The following ADAMTS2 variants were observed in gnomAD, a reference collection of about 807,000 sequenced individuals.
ADAMTS2 encodes A disintegrin and metalloproteinase with thrombospondin motifs 2.
ADAMTS2 carries 50 observed loss-of-function variants against 123.0 expected under a neutral mutation model. That is an observed-to-expected ratio of 0.41 (90% CI 0.32 to 0.51). ADAMTS2 has a LOEUF of 0.51. Ranked by LOEUF, ADAMTS2 falls within the 20% of genes least tolerant of loss-of-function variation. ADAMTS2 has a pLI of 0.35. For synonymous variants in ADAMTS2, 678 were observed against 695.4 expected, an observed-to-expected ratio of 0.98 and a Z score of 0.39; for missense variants, 1,494 against 1,705.2, an observed-to-expected ratio of 0.88 and a Z score of 2.18.
chr5:179,190,262 C>A (rs1463243826), intron 4 of ADAMTS2, among the ~76,000 whole-genome samples: 2 of 152,168 alleles, frequency 1.3e-5, no homozygotes, highest in East Asian at 1.9e-4. Context: ...CTTCTCAGGG[C>A]TGCTTCGAGC....
intron 21 of ADAMTS2, chr5:179,120,954 TA>T (rs1421346818): frequency 3.3e-5 from 5 of 152,128 alleles, no homozygotes; most frequent in Non-Finnish European, 7.4e-5. Context: ...AAAAAAGCAA[TA>T]AAAATTGAGG....
At chr5:179,268,400 G>A (rs1377274785) in intron 3 of ADAMTS2, among the ~76,000 whole-genome samples, 1 of 152,240 alleles carries the variant, frequency 6.6e-6, no homozygotes, top group Non-Finnish European at 1.5e-5. Context: ...GGCATTGCCT[G>A]CCAGGCCCTG....
At chr5:179,333,799 C>T (rs895150934) in intron 2 of ADAMTS2, among the ~76,000 whole-genome samples, 12 of 151,982 alleles carry the variant, frequency 7.9e-5, no homozygotes, top group African/African-American at 2.9e-4. Context: ...GGGGTTTCAC[C>T]ATATTGGCCA....
chr5:179,151,153 TC>T, intron 10 of ADAMTS2: 1 of 376,306 alleles, frequency 2.7e-6, no homozygotes, highest in Non-Finnish European at 5.5e-6. Context: ...TACCTTGGCC[TC>T]CCAAAGTGCT....
intron 3 of ADAMTS2, among the ~76,000 whole-genome samples, chr5:179,237,927 G>A (rs777151246): frequency 1.1e-4 from 17 of 152,204 alleles, no homozygotes; most frequent in Admixed American, 4.6e-4. Flanking sequence ...CACGCACGCC[G>A]CAGTGTAGCT....
intron 10 of ADAMTS2, among the ~76,000 whole-genome samples, chr5:179,148,532 A>G (rs1763294002): frequency 6.6e-6 from 1 of 151,486 alleles, no homozygotes; most frequent in Non-Finnish European, 1.5e-5. Flanking sequence ...GCAGTGCCTC[A>G]CTCTCCCCAC....
At position 179,114,137 on chromosome 5, in the gene ADAMTS2, G is replaced by GGTA; in HGVS notation, c.3363_3365dup (p.Thr1122dup). ...CCATGGCTACAGTGGGCACTGGGAG[G>GGTA]GTAGGCATGAACACGTCAATGTCGT... On this transcript the variant is annotated inframe_insertion, in exon 22 of 22. Transcript: ENST00000251582. 6.2e-7 allele frequency: 1 copy of GGTA among 1,613,936 alleles called. No individual in the cohort carries two copies. Among genetic ancestry groups the GGTA allele is most frequent in the Non-Finnish European group, 8.5e-7 (1 of 1,179,908 alleles).
intron 3 of ADAMTS2, among the ~76,000 whole-genome samples, chr5:179,209,550 A>ACACACACGCACACACACATG (rs1491504951): frequency 0.11 from 16,013 of 149,210 alleles, 939 homozygotes; most frequent in South Asian, 0.19. Flanking sequence ...ACACACATGT[A>ACACACACGCACACACACATG]CACACACACA....
chr5:179,130,185 G>A lies in ADAMTS2; in HGVS notation c.2291-87C>T, dbSNP rs1762933859. ...GGTTTGGGCTGGTCGGGGAGTGGGG[G>A]CAGCTAGCTGGACCCCTTGTCTCTC... On this transcript the variant is annotated intron_variant, in intron 15 of 21. Coordinates refer to ENST00000251582, the MANE Select transcript of ADAMTS2 (RefSeq NM_014244.5). The surrounding 1 kb of genome is among the most constrained non-coding windows in gnomAD (Gnocchi z 4.3). 9.2e-6 allele frequency: 14 copies of A among 1,514,418 alleles called. No homozygotes were observed. Among genetic ancestry groups the A allele is most frequent in the Non-Finnish European group, 1.3e-5 (14 of 1,097,614 alleles). The allele number at this position is 1,514,418 out of a possible 1,614,324, so 93.8% of individuals were successfully genotyped here.
intron 2 of ADAMTS2, among the ~76,000 whole-genome samples, chr5:179,335,603 T>C (rs1041617795): frequency 5.3e-5 from 8 of 152,226 alleles, no homozygotes; most frequent in Non-Finnish European, 1.2e-4. Context: ...GAGGTTTCAT[T>C]TGCAACTGAC....
intron 2 of ADAMTS2, among the ~76,000 whole-genome samples, chr5:179,319,711 T>C (rs1342341493): frequency 7.0e-6 from 1 of 143,002 alleles, no homozygotes; most frequent in Non-Finnish European, 1.5e-5. Context: ...ACCAGTAGAA[T>C]AGAAGCCTCT....
chr5:179,233,968 G>C (rs563719574), intron 3 of ADAMTS2, among the ~76,000 whole-genome samples: 1 of 152,152 alleles, frequency 6.6e-6, no homozygotes, highest in African/African-American at 2.4e-5. Context: ...AGCCGCAGGA[G>C]CCAGAAGAGG....
At chr5:179,283,677 C>T (rs1755902858) in intron 2 of ADAMTS2, among the ~76,000 whole-genome samples, 1 of 151,268 alleles carries the variant, frequency 6.6e-6, no homozygotes, top group African/African-American at 2.4e-5. Context: ...GAGGCTGAGG[C>T]AGTTAGGAAT....
intron 10 of ADAMTS2, among the ~76,000 whole-genome samples, chr5:179,151,454 G>A (rs1316533589): frequency 3.3e-5 from 5 of 152,086 alleles, no homozygotes; most frequent in Admixed American, 6.6e-5. Context: ...GATGTGCACC[G>A]GTGTCCACTC....
intron 3 of ADAMTS2, among the ~76,000 whole-genome samples, chr5:179,252,009 CT>C (rs200457965): frequency 2.1e-3 from 282 of 135,676 alleles, no homozygotes; most frequent in Middle Eastern, 7.6e-3. Flanking sequence ...TTTTTCTTTT[CT>C]TTTTTTTTTT....
Position 179,185,248 on chromosome 5 carries a change from C to T in ADAMTS2, c.892-4093G>A, listed in dbSNP as rs985367025. On this transcript the variant is annotated intron_variant, in intron 4 of 21. Transcript: ENST00000251582. This position sits in a 1 kb window ranked among gnomAD's most constrained non-coding sequence, Gnocchi z 5.9. ...TAAGAAGCTTACTCCAGGTGCCTTA[C>T]GGAAAGTAGATGGAAGGGGTCAAGA... Among the ~76,000 whole-genome samples the T allele has an allele frequency of 6.6e-6, 1 of 152,082 alleles. No homozygotes were observed. The highest frequency in any genetic ancestry group is 1.9e-4 in the East Asian group (1 of 5,176).
At position 179,314,419 on chromosome 5, in the gene ADAMTS2, C is replaced by CCGTGG. The variant is rs145323290; in HGVS notation, c.534+29343_534+29347dup. 2.2e-4 allele frequency among the ~76,000 whole-genome samples: 33 copies of CCGTGG among 152,246 alleles called. No homozygotes were observed. The highest frequency in any genetic ancestry group is 9.7e-4 in the East Asian group (5 of 5,172). ...CGGCAAGGCCAGGCTCCTCCCCACC[C>CCGTGG]CGTGGCGTGGCGTGGCGTGGCCGGA... On this transcript the variant is annotated intron_variant, in intron 2 of 21. Coordinates refer to ENST00000251582, the MANE Select transcript of ADAMTS2 (RefSeq NM_014244.5). The surrounding 1 kb of genome is among the most constrained non-coding windows in gnomAD (Gnocchi z 4.5).
At chr5:179,299,938 C>CA (rs1211645825) in intron 2 of ADAMTS2, among the ~76,000 whole-genome samples, 3 of 151,674 alleles carry the variant, frequency 2.0e-5, no homozygotes, top group Non-Finnish European at 4.4e-5. Flanking sequence ...ACTAAAAATA[C>CA]AAAAAATTAG....
chr5:179,124,952 C>T (rs199770691), intron 19 of ADAMTS2, 21 bp downstream of exon 19: 54 of 1,600,182 alleles, frequency 3.4e-5, no homozygotes, highest in African/African-American at 8.3e-5. Context: ...GCTGAGGACA[C>T]GGGATCGGGG....
Sources: allele counts gnomAD v4.1 joint callset (sites outside exome capture counted in the v4.1 genomes callset), GRCh38; gene constraint gnomAD v4.1.1; non-coding constraint Gnocchi (gnomAD v3.1); transcripts MANE v1.5; gene names NCBI Gene and HGNC (gene_info 2026-07-23, HGNC 2026-07-21).